COL4A3: variants seen among roughly 807,000 people sequenced by gnomAD.
The protein encoded by COL4A3 is collagen type IV alpha 3 chain.
A neutral mutation model predicts 217.4 loss-of-function variants in COL4A3; 135 were observed. That is an observed-to-expected ratio of 0.62 (90% CI 0.54 to 0.72). The LOEUF is 0.72. Ranked by LOEUF, COL4A3 falls within the 30% of genes least tolerant of loss-of-function variation. The probability of loss-of-function intolerance (pLI) is 0.00; values close to 1 mark genes in which losing one functional copy is unlikely to be tolerated. For synonymous variants in COL4A3, 690 were observed against 736.3 expected (o/e 0.94, Z 1.02); for missense variants, 1,868 against 2,119.9 (o/e 0.88, Z 2.33).
intron 1 of COL4A3, among the ~76,000 whole-genome samples, chr2:227,199,346 G>A (rs1160306502): frequency 6.6e-6 from 1 of 152,060 alleles, no homozygotes; most frequent in Admixed American, 6.5e-5. Context: ...GATACTACTT[G>A]GCAATCTTTA....
chr2:227,257,527 A>T, intron 17 of COL4A3, 76 bp from the exon 18 acceptor site: 1 of 1,185,512 alleles, frequency 8.4e-7, no homozygotes, highest in Non-Finnish European at 1.3e-6. Context: ...TGTTCATTTT[A>T]ACTGTACATC....
At chr2:227,254,406 T>C (rs1461581340) in intron 14 of COL4A3, among the ~76,000 whole-genome samples, 1 of 152,214 alleles carries the variant, frequency 6.6e-6, no homozygotes. Context: ...TTACGGCCAC[T>C]CCTAGCTGAA....
In COL4A3 at chr2:227,253,276, G is replaced by T. The variant is rs992087829; in HGVS notation, c.646-20G>T. ...CATATTTATTTTTAGAAAATAATTT[G>T]GTTTTGTGTTTTCTTACAGGGTCAC... On this transcript the variant is annotated intron_variant, in intron 11 of 51. Coordinates refer to ENST00000396578, the MANE Select transcript of COL4A3 (RefSeq NM_000091.5). The surrounding 1 kb of genome is among the most constrained non-coding windows in gnomAD (Gnocchi z 4.4). 2 of 1,605,708 alleles carry T rather than the reference G, an allele frequency of 1.2e-6. No individual in the cohort carries two copies. Among genetic ancestry groups the T allele is most frequent in the Admixed American group, 1.7e-5 (1 of 59,966 alleles).
intron 1 of COL4A3, among the ~76,000 whole-genome samples, chr2:227,197,945 T>C (rs2066545537): frequency 6.6e-6 from 1 of 152,244 alleles, no homozygotes; most frequent in Admixed American, 6.5e-5. Context: ...AGTCTCTCTC[T>C]AGAACTCTGG....
At chr2:227,235,198 A>C (rs1382333700) in intron 1 of COL4A3, among the ~76,000 whole-genome samples, 1 of 147,904 alleles carries the variant, frequency 6.8e-6, no homozygotes, top group Admixed American at 6.7e-5. Context: ...CATTTCTGAC[A>C]AGTCTCCAGG....
At chr2:227,219,657 A>G (rs542699436) in intron 1 of COL4A3, among the ~76,000 whole-genome samples, 3 of 152,314 alleles carry the variant, frequency 2.0e-5, no homozygotes, top group African/African-American at 7.2e-5. Context: ...TTGTATTTAC[A>G]TGCTTATCTC....
chr2:227,174,724 C>A (rs1258154342), intron 1 of COL4A3, among the ~76,000 whole-genome samples: 1 of 152,154 alleles, frequency 6.6e-6, no homozygotes, highest in Non-Finnish European at 1.5e-5. Flanking sequence ...TCAGGCTGGT[C>A]TTGAACTCCT....
At chr2:227,300,558 C>T (rs1023683465) in intron 43 of COL4A3, among the ~76,000 whole-genome samples, 3 of 152,200 alleles carry the variant, frequency 2.0e-5, no homozygotes, top group African/African-American at 7.2e-5. Flanking sequence ...CCTCTGTTTA[C>T]ATCAAATCCT....
At chr2:227,289,967 T>C (rs371241304) in intron 35 of COL4A3, 32 bp from the exon 36 acceptor site, 74 of 1,593,350 alleles carry the variant, frequency 4.6e-5, no homozygotes, top group Non-Finnish European at 6.3e-5. Context: ...CCAGGAACTG[T>C]GCAGGGCAAT....
intron 43 of COL4A3, among the ~76,000 whole-genome samples, chr2:227,299,116 C>T (rs1247235200): frequency 6.6e-6 from 1 of 152,170 alleles, no homozygotes; most frequent in East Asian, 1.9e-4. Context: ...ATCAGATCGG[C>T]CGGGCATGGT....
Position 227,294,567 on chromosome 2 carries a change from C to T in COL4A3, c.3415C>T (p.Pro1139Ser). The change falls in exon 39 of 52, where the codon CCA becomes TCA. Residue 1139 changes from proline to serine, a missense_variant. Around this residue, in one of 2 missense-constraint regions of COL4A3, gnomAD observed 1,503 missense variants for 1,786.1 expected, o/e 0.84. Transcript: ENST00000396578. ...LLGPPGIRGP[P>S]GLPGFPGSPG... Reference sequence around the variant, plus strand: ...GGGCCCTCCAGGAATCAGAGGCCCTCCAGGTTTCATTTTTGTACTTTCTCT... The same window carrying T: ...GGGCCCTCCAGGAATCAGAGGCCCTTCAGGTTTCATTTTTGTACTTTCTCT... 1 of 1,608,246 alleles carries T rather than the reference C, an allele frequency of 6.2e-7. No homozygotes were observed. Among genetic ancestry groups the T allele is most frequent in the Non-Finnish European group, 8.5e-7 (1 of 1,174,654 alleles).
chr2:227,256,431 T>G lies in COL4A3; in HGVS notation c.987+35T>G, dbSNP rs10933172. On this transcript the variant is annotated intron_variant, in intron 17 of 51. Transcript: ENST00000396578. ...TCCCTAATAGCCTATTTTAATAGGT[T>G]GGGTTTTGCCTGTGCTTTTACTTTT... is the stretch of plus-strand genomic sequence containing the variant. 0.11 allele frequency: 180,371 copies of G among 1,585,892 alleles called. 10,607 individuals are homozygous for G. Among genetic ancestry groups the G allele is most frequent in the Non-Finnish European group, 0.12 (142,449 of 1,154,358 alleles).
intron 1 of COL4A3, among the ~76,000 whole-genome samples, chr2:227,198,255 G>A (rs374727848): frequency 6.6e-6 from 1 of 152,152 alleles, no homozygotes; most frequent in Non-Finnish European, 1.5e-5. Flanking sequence ...ACCAAAGACT[G>A]GAGCCAAGAT....
chr2:227,256,207 G>A, intron 16 of COL4A3, 136 bp from the exon 17 acceptor site: 1 of 1,142,372 alleles, frequency 8.8e-7, no homozygotes, highest in South Asian at 1.3e-5. Context: ...GGGAATCATA[G>A]TTTTACATCC....
chr2:227,220,075 C>T (rs2067701286), intron 1 of COL4A3, among the ~76,000 whole-genome samples: 1 of 150,924 alleles, frequency 6.6e-6, no homozygotes, highest in South Asian at 2.1e-4. Flanking sequence ...ACCCACATCT[C>T]AATTTCCACA....
Position 227,164,942 on chromosome 2 carries a change from G to T in COL4A3, c.87+129G>T. On this transcript the variant is annotated intron_variant, in intron 1 of 51. Coordinates refer to ENST00000396578, the MANE Select transcript of COL4A3 (RefSeq NM_000091.5). This position sits in a 1 kb window ranked among gnomAD's most constrained non-coding sequence, Gnocchi z 4.8. ...TGCCGGGCTAGTGGCGAGGCTGAGG[G>T]CTTCACGCAGGTCCCGGGACAGGCA... 1 of 1,150,048 alleles carries T rather than the reference G, an allele frequency of 8.7e-7. No homozygotes were observed. The highest frequency in any genetic ancestry group is 3.0e-5 in the East Asian group (1 of 33,402). The allele number at this position is 1,150,048 out of a possible 1,614,324, so 71.2% of individuals were successfully genotyped here. A position where few individuals can be genotyped will look rare whatever the true frequency, so the allele number is the denominator to read the frequency against.
intron 1 of COL4A3, among the ~76,000 whole-genome samples, chr2:227,199,250 CAGTAGTTTTATAGCAGAGTT>C (rs2066594412): frequency 6.6e-6 from 1 of 152,182 alleles, no homozygotes; most frequent in Non-Finnish European, 1.5e-5. Context: ...ATTGCAACCT[CAGTAGTTTTATAGCAGAGTT>C]AGTCATGAAT....
intron 37 of COL4A3, among the ~76,000 whole-genome samples, chr2:227,291,580 CAAAAA>C (rs1212189875): frequency 9.5e-5 from 3 of 31,594 alleles, no homozygotes; most frequent in Admixed American, 7.6e-4. Context: ...AAAAAAAAAA[CAAAAA>C]AAAAAAACAA....
chr2:227,179,841 C>T (rs188503607), intron 1 of COL4A3, among the ~76,000 whole-genome samples: 16 of 152,044 alleles, frequency 1.1e-4, no homozygotes, highest in African/African-American at 3.4e-4. Flanking sequence ...CATGTTATAA[C>T]GAGGTAAATA....
Sources: allele counts gnomAD v4.1 joint callset (sites outside exome capture counted in the v4.1 genomes callset), GRCh38; gene constraint gnomAD v4.1.1; regional missense constraint gnomAD v4.1.1; non-coding constraint Gnocchi (gnomAD v3.1); transcripts MANE v1.5; gene names NCBI Gene and HGNC (gene_info 2026-07-23, HGNC 2026-07-21).